TPCN2: variants seen among roughly 807,000 people sequenced by gnomAD.
TPCN2 encodes two pore channel protein 2.
TPCN2 carries 92 observed loss-of-function variants against 111.4 expected under a neutral mutation model. The observed-to-expected ratio is 0.83, with a 90% CI of 0.70 to 0.98. The LOEUF (loss-of-function observed/expected upper bound fraction) is 0.98. Ranked by LOEUF, TPCN2 falls within the 50% of genes least tolerant of loss-of-function variation. The pLI, the probability that TPCN2 is intolerant of heterozygous loss-of-function variation, is 0.00. For missense variants in TPCN2, 995 were observed against 980.1 expected (o/e 1.02, Z -0.20); for synonymous variants, 405 against 414.5 (o/e 0.98, Z 0.28).
chr11:69,064,986 T>C (rs1244845081), intron 7 of TPCN2, among the ~76,000 whole-genome samples: 2 of 114,960 alleles, frequency 1.7e-5, no homozygotes, highest in African/African-American at 5.2e-5. Context: ...TCTGTATGTC[T>C]GTGTGCGTGT....
intron 18 of TPCN2, among the ~76,000 whole-genome samples, 169 bp downstream of exon 18, chr11:69,081,668 G>A (rs1278525603): frequency 1.3e-5 from 2 of 152,198 alleles, no homozygotes; most frequent in Non-Finnish European, 2.9e-5. Context: ...GCTGGGGAAG[G>A]GTCATTAGAA....
Position 69,085,681 on chromosome 11 carries a change from G to C in TPCN2, c.1849G>C (p.Ala617Pro), listed in dbSNP as rs1246076449. 1 of 1,613,182 alleles carries C rather than the reference G, an allele frequency of 6.2e-7. No homozygotes were observed. Among genetic ancestry groups the C allele is most frequent in the Non-Finnish European group, 8.5e-7 (1 of 1,179,242 alleles). The stretch of plus-strand genomic sequence containing the variant: ...TGTTGTGTTCCCCAGCCTGGCCCCT[G>C]CCAATGGCTCGGCGCCCTGTGGGAG... Reference protein sequence around the residue: ...ALPGNSSLAPANGSAPCGSFE... With the variant: ...ALPGNSSLAPPNGSAPCGSFE... The change falls in exon 21 of 25, where the codon GCC becomes CCC. Residue 617 changes from alanine to proline, a missense_variant. Physicochemically the swap from Ala to Pro is conservative, Grantham distance 27. Coordinates refer to ENST00000294309, the MANE Select transcript of TPCN2 (RefSeq NM_139075.4).
At chr11:69,065,118 G>A (rs1188858347) in intron 7 of TPCN2, among the ~76,000 whole-genome samples, 1 of 152,030 alleles carries the variant, frequency 6.6e-6, no homozygotes, top group Non-Finnish European at 1.5e-5. Context: ...CTGTATGGCT[G>A]TGTGCGTGTG....
Position 69,088,045 on chromosome 11 carries a change from G to A in TPCN2, c.*92G>A, listed in dbSNP as rs1198990365. 4 of 1,164,006 alleles carry A rather than the reference G, an allele frequency of 3.4e-6. No individual in the cohort carries two copies. 72.1% of individuals were successfully genotyped at this position (1,164,006 alleles called of 1,614,324 possible). A position where few individuals can be genotyped will look rare whatever the true frequency, so the allele number is the denominator to read the frequency against. ...GGAAGAGGCGGCCATGCTGTGGCCA[G>A]CCAGGCAGGAAGAGACCTTTCCTCT... is the stretch of plus-strand genomic sequence containing the variant. On this transcript the variant is annotated 3_prime_UTR_variant, in exon 25 of 25. Coordinates refer to ENST00000294309, the MANE Select transcript of TPCN2 (RefSeq NM_139075.4).
intron 7 of TPCN2, among the ~76,000 whole-genome samples, chr11:69,066,701 G>C (rs1213765186): frequency 6.6e-6 from 1 of 152,176 alleles, no homozygotes; most frequent in African/African-American, 2.4e-5. Context: ...CCCTAAGAGA[G>C]GAGGTTGCTT....
At chr11:69,064,598 C>G (rs1162241201) in intron 7 of TPCN2, among the ~76,000 whole-genome samples, 1 of 152,228 alleles carries the variant, frequency 6.6e-6, no homozygotes, top group Non-Finnish European at 1.5e-5. Context: ...TCCTCCTGTC[C>G]TGGCCGAGGG....
rs1855471590 is a variant in TPCN2, at chr11:69,070,434, G to A, written c.834G>A (p.Met278Ile). 1 of 1,611,596 alleles carries A rather than the reference G, an allele frequency of 6.2e-7. No homozygotes were observed. The highest frequency in any genetic ancestry group is 1.3e-5 in the African/African-American group (1 of 74,844). Reference sequence around the variant, plus strand: ...GTTATTTCTTTTTTCTTTTAGTGATGATTCCTGCGTATTCCAAGAACCGGG... The same window carrying A: ...GTTATTTCTTTTTTCTTTTAGTGATAATTCCTGCGTATTCCAAGAACCGGG... ...LLTTANNPDV[M>I]IPAYSKNRAY... Residue 278 changes from methionine to isoleucine, a missense_variant, in exon 9 of 25, where the codon ATG becomes ATA. By Grantham distance (10) the Met-to-Ile change is conservative. Coordinates refer to ENST00000294309, the MANE Select transcript of TPCN2 (RefSeq NM_139075.4).
intron 5 of TPCN2, among the ~76,000 whole-genome samples, chr11:69,058,931 A>G (rs1292553551): frequency 1.3e-5 from 2 of 152,248 alleles, no homozygotes; most frequent in East Asian, 3.8e-4. Context: ...GAATCCTTAT[A>G]TGAAATTAGG....
rs867086545 is a variant in TPCN2, at chr11:69,076,987, A to C, written c.1231-1495A>C. 1.7e-4 allele frequency among the ~76,000 whole-genome samples: 9 copies of C among 53,900 alleles called. No individual in the cohort carries two copies. The South Asian group carries it at 4.4e-3, about 26-fold the overall frequency. 35.4% of individuals were successfully genotyped at this position (53,900 alleles called of 152,430 possible). On this transcript the variant is annotated intron_variant, in intron 13 of 24. Transcript: ENST00000294309. ...ACCTGCCCTCCTGCCATGTCCCTCC[A>C]CCTGCCCTCCTGCCACGTCCCTCCA... is the stretch of plus-strand genomic sequence containing the variant.
chr11:69,053,149 G>A (rs991125295), intron 1 of TPCN2, among the ~76,000 whole-genome samples: 3 of 152,332 alleles, frequency 2.0e-5, no homozygotes, highest in East Asian at 3.9e-4. Context: ...CTTCTGTGCC[G>A]CCTGACTTTT....
chr11:69,081,294 C>A, intron 17 of TPCN2, 106 bp from the exon 18 acceptor site: 1 of 695,222 alleles, frequency 1.4e-6, no homozygotes, highest in Non-Finnish European at 2.5e-6. Context: ...CCCGTCATGC[C>A]CTGTTGCCCT....
At chr11:69,076,639 C>CCTGCCCTCCTGCCGTGTCCCTCCAT (rs1855768294) in intron 13 of TPCN2, among the ~76,000 whole-genome samples, 1 of 116,910 alleles carries the variant, frequency 8.6e-6, no homozygotes, top group South Asian at 3.1e-4. Flanking sequence ...TGTCCCTCCA[C>CCTGCCCTCCTGCCGTGTCCCTCCAT]CTGCCCTCCT....
At position 69,078,502 on chromosome 11, in the gene TPCN2, C is replaced by T. The variant is rs769305523; in HGVS notation, c.1251C>T (p.Tyr417=). ...CCCAGCACCCGCCGAGGCCCGAGTACCAGTCTCCGTTTCTGCAGAGCGCCC... is the reference window on the plus strand; with the variant it reads ...CCCAGCACCCGCCGAGGCCCGAGTATCAGTCTCCGTTTCTGCAGAGCGCCC... The part of the protein sequence containing the change: ...VVKEHPPRPE[Y]QSPFLQSAQF... The change falls in exon 14 of 25, where the codon TAC becomes TAT. Residue 417 remains tyrosine, a synonymous_variant. Coordinates refer to ENST00000294309, the MANE Select transcript of TPCN2 (RefSeq NM_139075.4). 1 of 1,614,134 alleles carries T rather than the reference C, an allele frequency of 6.2e-7. No individual in the cohort carries two copies. Among genetic ancestry groups the T allele is most frequent in the East Asian group, 2.2e-5 (1 of 44,878 alleles).
chr11:69,050,321 G>A (rs1861165111), intron 1 of TPCN2, among the ~76,000 whole-genome samples: 1 of 152,214 alleles, frequency 6.6e-6, no homozygotes, highest in African/African-American at 2.4e-5. Flanking sequence ...GTGTCTAGGG[G>A]TCTGGGCGCC....
chr11:69,075,530 C>T (rs368251747), intron 13 of TPCN2, among the ~76,000 whole-genome samples: 2 of 152,190 alleles, frequency 1.3e-5, no homozygotes, highest in Admixed American at 6.5e-5. Flanking sequence ...GTTCAGTCTG[C>T]GGACGCAGAG....
chr11:69,067,858 C>T (rs1007073443), intron 8 of TPCN2, among the ~76,000 whole-genome samples: 1 of 152,152 alleles, frequency 6.6e-6, no homozygotes, highest in Non-Finnish European at 1.5e-5. Flanking sequence ...TTTGCTTTCT[C>T]ACTCCCTCCT....
At position 69,066,799 on chromosome 11, in the gene TPCN2, G is replaced by T. The variant is rs530068888; in HGVS notation, c.727-704G>T. ...GAACCACCCATCTTCCAGCTGGGGG[G>T]TCTGGAGGCTTGGTAGGCAGAGGGT... On this transcript the variant is annotated intron_variant, in intron 7 of 24. Coordinates refer to ENST00000294309, the MANE Select transcript of TPCN2 (RefSeq NM_139075.4). Among the ~76,000 whole-genome samples the T allele has an allele frequency of 1.6e-4, 25 of 152,322 alleles. No individual in the cohort carries two copies. In the East Asian group the frequency reaches 4.8e-3, roughly 29 times the overall value.
chr11:69,053,214 G>A (rs1861310951), intron 1 of TPCN2, among the ~76,000 whole-genome samples: 1 of 152,240 alleles, frequency 6.6e-6, no homozygotes, highest in Admixed American at 6.5e-5. Flanking sequence ...GGCCTGCCGG[G>A]AGGCTCCACC....
chr11:69,068,326 C>G (rs920251775), intron 8 of TPCN2, among the ~76,000 whole-genome samples: 2 of 136,756 alleles, frequency 1.5e-5, no homozygotes, highest in Non-Finnish European at 3.2e-5. Flanking sequence ...CGTCTGAGTC[C>G]TAGGAAGTGA....
Sources: allele counts gnomAD v4.1 joint callset (sites outside exome capture counted in the v4.1 genomes callset), GRCh38; gene constraint gnomAD v4.1.1; transcripts MANE v1.5; gene names NCBI Gene and HGNC (gene_info 2026-07-23, HGNC 2026-07-21).